Variants in QTGAL observed in about 807,000 individuals in gnomAD.
QTGAL encodes the protein BGnT-like protein 1.
chr17:82,974,800 C>G, the QTGAL span, among the ~76,000 whole-genome samples: 110 of 152,348 alleles, frequency 7.2e-4, 1 homozygote, highest in African/African-American at 2.5e-3. Context: ...CACAGGCAGG[C>G]TGGGAACCAG....
At chr17:83,002,848 A>G in the QTGAL span, among the ~76,000 whole-genome samples, 22 of 90,728 alleles carry the variant, frequency 2.4e-4, no homozygotes, top group African/African-American at 7.0e-4. Flanking sequence ...CCGCCCTCCC[A>G]CTCTCTGCAG....
chr17:83,017,811 C>A, the QTGAL span, among the ~76,000 whole-genome samples: 9 of 150,728 alleles, frequency 6.0e-5, no homozygotes, highest in Non-Finnish European at 1.0e-4. Context: ...GAACACCGTG[C>A]GCCTGTATCA....
At chr17:83,040,610 G>C in the QTGAL span, among the ~76,000 whole-genome samples, 1 of 152,160 alleles carries the variant, frequency 6.6e-6, no homozygotes, top group African/African-American at 2.4e-5. Context: ...ACTGGTGTAA[G>C]ATTTCTTATT....
At chr17:83,005,231 C>G in the QTGAL span, 1 of 1,589,270 alleles carries the variant, frequency 6.3e-7, no homozygotes, top group East Asian at 2.3e-5. This position sits in a 1 kb window ranked among gnomAD's most constrained non-coding sequence, Gnocchi z 5.6. Flanking sequence ...CAACGGCAGA[C>G]AGAGCTCAAA....
At chr17:83,011,076 G>T in the QTGAL span, among the ~76,000 whole-genome samples, 2 of 152,244 alleles carry the variant, frequency 1.3e-5, no homozygotes, top group Non-Finnish European at 2.9e-5. Context: ...TTGGTCTGGG[G>T]TGGTCTAGAG....
the QTGAL span, among the ~76,000 whole-genome samples, chr17:83,031,808 G>A: frequency 0.017 from 2,626 of 152,342 alleles, 85 homozygotes; most frequent in African/African-American, 0.06. Context: ...GTCAGGAACC[G>A]AATCTGTTCG....
chr17:83,048,453 C>T, the QTGAL span: 1 of 1,573,180 alleles, frequency 6.4e-7, no homozygotes, highest in Non-Finnish European at 8.8e-7. Flanking sequence ...GTTTAATAAA[C>T]TAAGCATGTT....
the QTGAL span, among the ~76,000 whole-genome samples, chr17:82,995,337 G>C: frequency 0.3 from 45,753 of 151,434 alleles, 7,595 homozygotes; most frequent in East Asian, 0.4. Flanking sequence ...ACTCAGCAAA[G>C]TTTCAGGATA....
At chr17:83,042,887 G>A in the QTGAL span, among the ~76,000 whole-genome samples, 2 of 152,324 alleles carry the variant, frequency 1.3e-5, no homozygotes, top group East Asian at 1.9e-4. Context: ...TAATCAAAGA[G>A]TGCTGGCGTG....
the QTGAL span, among the ~76,000 whole-genome samples, chr17:83,008,411 T>G: frequency 1.3e-5 from 2 of 152,126 alleles, no homozygotes; most frequent in Admixed American, 1.3e-4. Flanking sequence ...ACCACCAGGA[T>G]CTGGCAATTC....
the QTGAL span, among the ~76,000 whole-genome samples, chr17:83,038,797 T>C: frequency 6.6e-6 from 1 of 151,802 alleles, no homozygotes; most frequent in Non-Finnish European, 1.5e-5. Flanking sequence ...AGGTGGAGCT[T>C]GCAGTGAGCC....
chr17:82,977,950 C>T, the QTGAL span, among the ~76,000 whole-genome samples: 3 of 152,254 alleles, frequency 2.0e-5, no homozygotes, highest in African/African-American at 7.2e-5. Context: ...TCCTGTTTTC[C>T]GTTTCCCAAG....
At chr17:82,984,916 G>A in the QTGAL span, among the ~76,000 whole-genome samples, 2,783 of 152,206 alleles carry the variant, frequency 0.018, 36 homozygotes, top group Middle Eastern at 0.054. Flanking sequence ...AAGCTGCCAG[G>A]ACCTCTGAGT....
At chr17:83,047,641 C>T in the QTGAL span, among the ~76,000 whole-genome samples, 2 of 67,872 alleles carry the variant, frequency 2.9e-5, no homozygotes, top group South Asian at 6.1e-4. Flanking sequence ...TAATAAATCC[C>T]TACCAAAGAA....
the QTGAL span, among the ~76,000 whole-genome samples, chr17:83,036,571 T>TG: frequency 6.6e-6 from 1 of 152,226 alleles, no homozygotes; most frequent in Non-Finnish European, 1.5e-5. Context: ...TGGAAAAGGC[T>TG]GAACGATGAC....
At chr17:83,021,127 A>G in the QTGAL span, among the ~76,000 whole-genome samples, 9 of 152,214 alleles carry the variant, frequency 5.9e-5, no homozygotes, top group Admixed American at 5.9e-4. Context: ...GTTTTTCTTC[A>G]TAATGAAAAT....
At chr17:83,021,310 C>T in the QTGAL span, among the ~76,000 whole-genome samples, 1 of 146,668 alleles carries the variant, frequency 6.8e-6, no homozygotes, top group Non-Finnish European at 1.5e-5. Context: ...GTGACATAAT[C>T]ATTTCATAGT....
At chr17:82,977,950 C>A in the QTGAL span, among the ~76,000 whole-genome samples, 1 of 152,134 alleles carries the variant, frequency 6.6e-6, no homozygotes, top group African/African-American at 2.4e-5. Context: ...TCCTGTTTTC[C>A]GTTTCCCAAG....
chr17:82,970,648 T>TGGACGTGACCTCTGCACACAGC, the QTGAL span, among the ~76,000 whole-genome samples: 3 of 33,534 alleles, frequency 8.9e-5, 1 homozygote, highest in Non-Finnish European at 5.7e-5. Flanking sequence ...CCGCACCCGG[T>TGGACGTGACCTCTGCACACAGC]GTGGCCGCGA....
Sources: gnomAD v4.1 joint callset for allele counts (sites outside exome capture counted in the v4.1 genomes callset) on GRCh38, gnomAD v4.1.1 for gene constraint, Gnocchi (gnomAD v3.1) non-coding constraint, MANE v1.5 for transcripts, NCBI Gene and HGNC (gene_info 2026-07-23, HGNC 2026-07-21) for gene names.